GK5: variants seen among roughly 807,000 people sequenced by gnomAD.
The protein encoded by GK5 is ATP:glycerol 3-phosphotransferase 5.
GK5 carries 39 observed loss-of-function variants against 77.3 expected under a neutral mutation model. The observed-to-expected ratio is 0.50, with a 90% CI of 0.39 to 0.66. The LOEUF is 0.66. Among genes scored for constraint, GK5 ranks in the 30% least tolerant of loss-of-function variants. The pLI is 0.00. For synonymous variants in GK5, 211 were observed against 208.0 expected, an observed-to-expected ratio of 1.01 and a Z score of -0.13; for missense variants, 487 against 633.8, an observed-to-expected ratio of 0.77 and a Z score of 2.49.
At chr3:142,209,329 T>C (rs148451279) in intron 3 of GK5, among the ~76,000 whole-genome samples, 17 of 152,246 alleles carry the variant, frequency 1.1e-4, no homozygotes, top group Non-Finnish European at 2.2e-4. Flanking sequence ...TAGAGCAAGA[T>C]AAAGCGTGTC....
intron 4 of GK5, among the ~76,000 whole-genome samples, chr3:142,201,633 T>C (rs1264791722): frequency 3.3e-5 from 5 of 152,162 alleles, no homozygotes; most frequent in Non-Finnish European, 5.9e-5. Context: ...AGAACTTATA[T>C]ACATACACAT....
At chr3:142,170,183 G>C in intron 15 of GK5, 142 bp downstream of exon 15, 1 of 850,504 alleles carries the variant, frequency 1.2e-6, no homozygotes, top group Non-Finnish European at 2.0e-6. Context: ...GATATTTTGT[G>C]AGTAATATGC....
At chr3:142,182,849 A>G (rs1482578627) in intron 10 of GK5, 74 bp downstream of exon 10, 19 of 995,828 alleles carry the variant, frequency 1.9e-5, no homozygotes, top group Middle Eastern at 2.4e-4. Flanking sequence ...GGAAAATAGT[A>G]TAAGTATCAC....
chr3:142,188,902 A>T (rs755077503), intron 5 of GK5, among the ~76,000 whole-genome samples: 9 of 152,254 alleles, frequency 5.9e-5, no homozygotes, highest in Non-Finnish European at 1.2e-4. Flanking sequence ...TATAATAGCT[A>T]GCAGAGAAAC....
chr3:142,171,836 A>G (rs1429523369), intron 13 of GK5, among the ~76,000 whole-genome samples: 1 of 152,312 alleles, frequency 6.6e-6, no homozygotes, highest in East Asian at 1.9e-4. Flanking sequence ...GAATTCATCA[A>G]ATATAAAAAC....
At chr3:142,199,122 A>T (rs1158052596) in intron 4 of GK5, among the ~76,000 whole-genome samples, 189 bp from the exon 5 acceptor site, 3 of 152,190 alleles carry the variant, frequency 2.0e-5, no homozygotes, top group Non-Finnish European at 4.4e-5. Context: ...CTAACATATG[A>T]AATGCAACAT....
intron 11 of GK5, among the ~76,000 whole-genome samples, chr3:142,180,131 A>T (rs1429039291): frequency 6.6e-6 from 1 of 152,134 alleles, no homozygotes; most frequent in Non-Finnish European, 1.5e-5. Context: ...ACTGCAAGCT[A>T]AGAGTATGGG....
chr3:142,206,637 A>G (rs1243103116), intron 3 of GK5, among the ~76,000 whole-genome samples: 1 of 152,228 alleles, frequency 6.6e-6, no homozygotes, highest in African/African-American at 2.4e-5. Flanking sequence ...TACATGTTCT[A>G]GATATTAACC....
intron 3 of GK5, among the ~76,000 whole-genome samples, chr3:142,206,130 T>C (rs2064102887): frequency 1.3e-5 from 2 of 152,350 alleles, no homozygotes; most frequent in South Asian, 2.1e-4. Flanking sequence ...TTTCAACGTA[T>C]TTATATACTA....
chr3:142,225,186 G>C (rs2107803480), intron 1 of GK5, 123 bp downstream of exon 1: 14 of 1,072,250 alleles, frequency 1.3e-5, no homozygotes, highest in Non-Finnish European at 1.8e-5. Flanking sequence ...CAGGGCCCGC[G>C]GGTGCTGCAG....
Position 142,186,439 on chromosome 3 carries a change from A to C in GK5, c.681+13T>G. On this transcript the variant is annotated intron_variant, in intron 7 of 15. Coordinates refer to ENST00000392993, the MANE Select transcript of GK5 (RefSeq NM_001039547.3). ...AAATGTGTGATTCAAAAAGAAGAAA[A>C]AAAAATTTTTACCTTATATGGGTCA... 1 of 1,488,972 alleles carries C rather than the reference A, an allele frequency of 6.7e-7. No individual in the cohort carries two copies. Among genetic ancestry groups the C allele is most frequent in the Non-Finnish European group, 9.1e-7 (1 of 1,101,464 alleles). 92.2% of individuals were successfully genotyped at this position (1,488,972 alleles called of 1,614,324 possible). A position where few individuals can be genotyped will look rare whatever the true frequency, so the allele number is the denominator to read the frequency against.
At chr3:142,214,237 G>T (rs567779183) in intron 2 of GK5, among the ~76,000 whole-genome samples, 1 of 152,184 alleles carries the variant, frequency 6.6e-6, no homozygotes, top group African/African-American at 2.4e-5. Flanking sequence ...AATAAGATTG[G>T]ATCTTAATTT....
Position 142,170,465 on chromosome 3 carries a change from G to A in GK5, c.1308-7C>T, listed in dbSNP as rs746316625. ...ACAAACTCCTCCATCTGCCCTGTGG[G>A]GAACAAAATATGTAAGATGAATTAC... is the stretch of plus-strand genomic sequence containing the variant. On this transcript the variant is annotated splice_polypyrimidine_tract_variant and splice_region_variant and intron_variant, in intron 14 of 15. Transcript: ENST00000392993. The A allele has an allele frequency of 4.4e-6, 7 of 1,593,762 alleles. No homozygotes were observed. Among genetic ancestry groups the A allele is most frequent in the Middle Eastern group, 3.4e-4 (2 of 5,970 alleles).
chr3:142,217,171 AGAG>A (rs1359202259), intron 1 of GK5, among the ~76,000 whole-genome samples: 1 of 152,226 alleles, frequency 6.6e-6, no homozygotes, highest in African/African-American at 2.4e-5. Flanking sequence ...AAATACTCCA[AGAG>A]GAGTGAATAC....
chr3:142,170,372 A>G lies in GK5; in HGVS notation c.1394T>C (p.Ile465Thr). 2.5e-6 allele frequency: 4 copies of G among 1,614,128 alleles called. No individual in the cohort carries two copies. The highest frequency in any genetic ancestry group is 1.7e-5 in the Admixed American group (1 of 60,026). The change falls in exon 15 of 16, where the codon ATT (isoleucine) becomes ACT (threonine). Residue 465 changes from isoleucine to threonine, a missense_variant. By Grantham distance (89) the Ile-to-Thr change is moderately conservative (BLOSUM62 -1). Transcript: ENST00000392993. ...INENIDRPADIDMSCLGAASL... is the reference protein window; with the variant it reads ...INENIDRPADTDMSCLGAASL... ...AGCTGCACCCAGGCATGACATGTCAATGTCGGCAGGTCTGTCTATATTCTC... is the reference window on the plus strand; with the variant it reads ...AGCTGCACCCAGGCATGACATGTCAGTGTCGGCAGGTCTGTCTATATTCTC...
chr3:142,175,438 T>C (rs1056336570), intron 12 of GK5, among the ~76,000 whole-genome samples: 1 of 152,190 alleles, frequency 6.6e-6, no homozygotes, highest in Non-Finnish European at 1.5e-5. Flanking sequence ...ATCCCAATTA[T>C]CTAAAGCTGT....
intron 3 of GK5, among the ~76,000 whole-genome samples, chr3:142,212,840 CT>C (rs1187865939): frequency 1.3e-4 from 13 of 101,142 alleles, no homozygotes; most frequent in South Asian, 2.8e-4. Context: ...TTTTTTTTTT[CT>C]TTTTTTTTTT....
intron 9 of GK5, chr3:142,184,805 G>A: frequency 2.1e-6 from 2 of 940,226 alleles, no homozygotes; most frequent in East Asian, 1.2e-4. Flanking sequence ...TCATGCCATT[G>A]CACTCCAGTC....
At chr3:142,217,517 C>A (rs983907859) in intron 1 of GK5, among the ~76,000 whole-genome samples, 10 of 151,960 alleles carry the variant, frequency 6.6e-5, no homozygotes, top group Admixed American at 2.0e-4. Context: ...AACAAAGCCC[C>A]AGGACATAGC....
Sources: gnomAD v4.1 joint callset for allele counts (sites outside exome capture counted in the v4.1 genomes callset) on GRCh38, gnomAD v4.1.1 for gene constraint, MANE v1.5 for transcripts, NCBI Gene and HGNC (gene_info 2026-07-23, HGNC 2026-07-21) for gene names.